Variants in LUC7L2 observed in about 807,000 individuals in gnomAD.
The protein encoded by LUC7L2 is LUC7 like 2, pre-mRNA splicing factor.
A neutral mutation model predicts 52.8 loss-of-function variants in LUC7L2; 25 were observed. The observed-to-expected ratio is 0.47, with a 90% CI of 0.34 to 0.66. The LOEUF is 0.66. Ranked by LOEUF, LUC7L2 falls within the 30% of genes least tolerant of loss-of-function variation. The pLI is 0.01. For missense variants in LUC7L2, 328 were observed against 497.8 expected, an observed-to-expected ratio of 0.66 and a Z score of 3.25; for synonymous variants, 144 against 160.9, an observed-to-expected ratio of 0.89 and a Z score of 0.80.
intron 9 of LUC7L2, among the ~76,000 whole-genome samples, chr7:139,419,130 C>CAA (rs571694948): frequency 0.18 from 25,624 of 139,220 alleles, 2,199 homozygotes; most frequent in Middle Eastern, 0.26. Context: ...AAAAAACAAA[C>CAA]AAAAAAAAAA....
At chr7:139,361,548 G>A (rs1183774303) in intron 1 of LUC7L2, among the ~76,000 whole-genome samples, 2 of 152,184 alleles carry the variant, frequency 1.3e-5, no homozygotes, top group African/African-American at 2.4e-5. Context: ...CCCATATTGG[G>A]AACTTTTATT....
chr7:139,341,511 C>A (rs754031356), intron 1 of LUC7L2: 3 of 1,612,734 alleles, frequency 1.9e-6, no homozygotes, highest in Non-Finnish European at 2.5e-6. Context: ...GAAGGCTTTC[C>A]GTGCACATCG....
chr7:139,370,166 A>G (rs1800370005), intron 1 of LUC7L2, among the ~76,000 whole-genome samples: 1 of 152,224 alleles, frequency 6.6e-6, no homozygotes, highest in African/African-American at 2.4e-5. Context: ...AATGAACCCT[A>G]TACTTTGGAT....
At chr7:139,408,695 A>C (rs1421211239) in intron 6 of LUC7L2, among the ~76,000 whole-genome samples, 1 of 152,132 alleles carries the variant, frequency 6.6e-6, no homozygotes, top group Non-Finnish European at 1.5e-5. Flanking sequence ...TATAAAAATT[A>C]GCTGGGTGTG....
chr7:139,391,585 G>A (rs1210181778), intron 2 of LUC7L2, among the ~76,000 whole-genome samples: 1 of 151,658 alleles, frequency 6.6e-6, no homozygotes, highest in Non-Finnish European at 1.5e-5. Flanking sequence ...AAATTAAATT[G>A]GCTTCTTTTT....
At position 139,377,608 on chromosome 7, in the gene LUC7L2, G is replaced by C. The variant is rs539088795; in HGVS notation, c.156+1452G>C. Among the ~76,000 whole-genome samples, 29 of 152,160 alleles carry C rather than the reference G, an allele frequency of 1.9e-4. No individual in the cohort carries two copies. In the South Asian group the frequency reaches 6.0e-3, roughly 32 times the overall value. ...GAAGTTTCGTCATGTTGGCCAGGCT[G>C]GTCTCGAACTTCTGACCTCGTGATC... On this transcript the variant is annotated intron_variant, in intron 2 of 9. Transcript: ENST00000354926.
At chr7:139,417,470 A>C in intron 8 of LUC7L2, 68 bp from the exon 9 acceptor site, 1 of 1,540,164 alleles carries the variant, frequency 6.5e-7, no homozygotes, top group Non-Finnish European at 8.7e-7. Flanking sequence ...TCTTTAAAGA[A>C]AAGGCTTTAA....
At chr7:139,386,103 A>G (rs1407871833) in intron 2 of LUC7L2, among the ~76,000 whole-genome samples, 3 of 151,750 alleles carry the variant, frequency 2.0e-5, no homozygotes, top group Non-Finnish European at 1.5e-5. Context: ...CCCAAGTTCC[A>G]GTGATTCTCA....
At chr7:139,342,713 C>T (rs904011626) in intron 1 of LUC7L2, among the ~76,000 whole-genome samples, 3 of 152,166 alleles carry the variant, frequency 2.0e-5, no homozygotes, top group Admixed American at 6.5e-5. Flanking sequence ...CCGCCTGCCT[C>T]GGCCTCCCAA....
intron 8 of LUC7L2, chr7:139,417,337 G>A (rs1795667898): frequency 1.5e-6 from 1 of 671,692 alleles, no homozygotes; most frequent in Non-Finnish European, 2.3e-6. Flanking sequence ...CACGGCGCCT[G>A]GCTGAGAATT....
intron 8 of LUC7L2, among the ~76,000 whole-genome samples, chr7:139,414,879 G>A (rs912653632): frequency 4.0e-5 from 6 of 151,416 alleles, no homozygotes; most frequent in East Asian, 1.9e-4. Flanking sequence ...TCCACTCTAC[G>A]TAATAACATC....
Position 139,360,332 on chromosome 7 carries a change from T to C in LUC7L2, c.61+10T>C. 24 of 1,556,690 alleles carry C rather than the reference T, an allele frequency of 1.5e-5. No homozygotes were observed. Among genetic ancestry groups the C allele is most frequent in the Non-Finnish European group, 2.1e-5 (24 of 1,149,924 alleles). On this transcript the variant is annotated intron_variant, in intron 1 of 9. Coordinates refer to ENST00000354926, the MANE Select transcript of LUC7L2 (RefSeq NM_016019.5). ...GGCACCTCCCGGGACGGTAAGTCTC[T>C]GCCAGGGCCCTGGGGGTGGGGGAGG...
chr7:139,346,136 CTG>C (rs1306467700), intron 1 of LUC7L2: 1 of 154,186 alleles, frequency 6.5e-6, no homozygotes, highest in East Asian at 1.9e-4. Flanking sequence ...ACTCAGGAGG[CTG>C]GGACAGGAGA....
chr7:139,400,771 C>T (rs1379997232), intron 3 of LUC7L2, among the ~76,000 whole-genome samples: 1 of 152,078 alleles, frequency 6.6e-6, no homozygotes, highest in Non-Finnish European at 1.5e-5. Flanking sequence ...TTTGAGATGC[C>T]ATCTTTATCT....
chr7:139,415,812 CTT>C (rs1294975260), intron 8 of LUC7L2, among the ~76,000 whole-genome samples: 2 of 151,718 alleles, frequency 1.3e-5, no homozygotes, highest in Non-Finnish European at 2.9e-5. Flanking sequence ...CAGAAATACT[CTT>C]TTTAAGTGTG....
chr7:139,357,491 TTAAA>T (rs1381965102), upstream of LUC7L2, among the ~76,000 whole-genome samples: 12 of 152,190 alleles, frequency 7.9e-5, no homozygotes, highest in African/African-American at 2.4e-4. Flanking sequence ...GTGTATTTCT[TTAAA>T]TACACTGTTT....
At chr7:139,403,033 G>A (rs1181339886) in intron 4 of LUC7L2, among the ~76,000 whole-genome samples, 2 of 152,158 alleles carry the variant, frequency 1.3e-5, no homozygotes, top group Non-Finnish European at 2.9e-5. Flanking sequence ...GAAATCCTGT[G>A]TACGCTTTTG....
At chr7:139,394,783 A>G (rs1336767233) in intron 2 of LUC7L2, among the ~76,000 whole-genome samples, 1 of 152,210 alleles carries the variant, frequency 6.6e-6, no homozygotes, top group Non-Finnish European at 1.5e-5. Context: ...AATAACCGGA[A>G]CTAGCATGGT....
At chr7:139,354,113 GAAA>G (rs112772374) in intron 1 of LUC7L2, among the ~76,000 whole-genome samples, 177 of 147,964 alleles carry the variant, frequency 1.2e-3, no homozygotes, top group African/African-American at 4.2e-3. Context: ...CTCGGTCTCA[GAAA>G]AAAAAAAATT....
Sources: allele counts gnomAD v4.1 joint callset (sites outside exome capture counted in the v4.1 genomes callset), GRCh38; gene constraint gnomAD v4.1.1; transcripts MANE v1.5; gene names NCBI Gene and HGNC (gene_info 2026-07-23, HGNC 2026-07-21).